NKAIN3: variants seen among roughly 807,000 people sequenced by gnomAD.
NKAIN3 encodes the protein sodium/potassium-transporting ATPase subunit beta-1-interacting protein 3.
NKAIN3 carries 25 observed loss-of-function variants against 30.2 expected under a neutral mutation model. The ratio of observed to expected loss-of-function variants is 0.83; its 90% CI spans 0.60 to 1.16. NKAIN3 has a LOEUF of 1.16. NKAIN3 is among the 50% of genes most tolerant of loss of function. The probability of loss-of-function intolerance (pLI) is 0.00; values close to 1 mark genes in which losing one functional copy is unlikely to be tolerated. For missense variants in NKAIN3, 225 were observed against 254.1 expected (o/e 0.89, Z 0.78); for synonymous variants, 91 against 89.6 (o/e 1.02, Z -0.09).
At chr8:62,459,519 T>G (rs1805925748) in intron 1 of NKAIN3, among the ~76,000 whole-genome samples, 2 of 152,198 alleles carry the variant, frequency 1.3e-5, no homozygotes, top group African/African-American at 2.4e-5. Context: ...CTTGCTTTTA[T>G]GCAGTTTACA....
At chr8:62,328,072 T>C (rs557565711) in intron 1 of NKAIN3, among the ~76,000 whole-genome samples, 1 of 152,250 alleles carries the variant, frequency 6.6e-6, no homozygotes, top group South Asian at 2.1e-4. Flanking sequence ...TACTGATCCA[T>C]ATATTATGCC....
intron 3 of NKAIN3, among the ~76,000 whole-genome samples, chr8:62,741,374 G>A (rs1485323320): frequency 8.0e-6 from 1 of 125,156 alleles, no homozygotes; most frequent in African/African-American, 3.7e-5. Context: ...AAGGAAGGAA[G>A]GAAGGAAGGA....
intron 4 of NKAIN3, among the ~76,000 whole-genome samples, chr8:62,754,150 TTC>T (rs1816374698): frequency 6.6e-6 from 1 of 152,164 alleles, no homozygotes; most frequent in Non-Finnish European, 1.5e-5. Context: ...ATAGTTGCTT[TTC>T]TTAAATTATC....
intron 5 of NKAIN3, among the ~76,000 whole-genome samples, chr8:62,925,345 G>A (rs1486512381): frequency 1.3e-5 from 2 of 152,016 alleles, no homozygotes; most frequent in African/African-American, 4.8e-5. Context: ...CACTCCCTAA[G>A]AAAATTTAAA....
chr8:62,503,588 C>A (rs753131542), intron 1 of NKAIN3, among the ~76,000 whole-genome samples: 18 of 152,048 alleles, frequency 1.2e-4, no homozygotes, highest in Admixed American at 2.0e-4. Context: ...CTTATCTCAA[C>A]CGCATAGGAC....
intron 4 of NKAIN3, among the ~76,000 whole-genome samples, chr8:62,760,050 G>A (rs1318129183): frequency 1.3e-5 from 2 of 152,052 alleles, no homozygotes; most frequent in African/African-American, 2.4e-5. Flanking sequence ...GGCCATCAGA[G>A]AAATGCAAAT....
chr8:62,466,070 A>G (rs942172779), intron 1 of NKAIN3, among the ~76,000 whole-genome samples: 2 of 152,128 alleles, frequency 1.3e-5, no homozygotes, highest in African/African-American at 4.8e-5. Context: ...CACGATAGCA[A>G]GGTAATTTCC....
chr8:62,281,628 A>C (rs1257144020), intron 1 of NKAIN3, among the ~76,000 whole-genome samples: 1 of 152,106 alleles, frequency 6.6e-6, no homozygotes, highest in African/African-American at 2.4e-5. Context: ...TCATTTCGTC[A>C]TGTACCCAGT....
chr8:62,287,679 T>C (rs1460464919), intron 1 of NKAIN3, among the ~76,000 whole-genome samples: 1 of 152,174 alleles, frequency 6.6e-6, no homozygotes, highest in Non-Finnish European at 1.5e-5. Flanking sequence ...GGAGTTTTTT[T>C]ATGTTCATTT....
At chr8:62,534,861 G>GTTT (rs56262159) in intron 1 of NKAIN3, among the ~76,000 whole-genome samples, 3 of 148,468 alleles carry the variant, frequency 2.0e-5, no homozygotes, top group Non-Finnish European at 4.5e-5. Context: ...GCATTTATTG[G>GTTT]TTTTTTTTTT....
chr8:62,663,569 G>A (rs1813007625), intron 3 of NKAIN3, among the ~76,000 whole-genome samples: 1 of 152,156 alleles, frequency 6.6e-6, no homozygotes. Flanking sequence ...TACTACATCT[G>A]AATACCCACT....
intron 3 of NKAIN3, among the ~76,000 whole-genome samples, chr8:62,695,825 G>A (rs1225677416): frequency 6.6e-6 from 1 of 152,172 alleles, no homozygotes; most frequent in Non-Finnish European, 1.5e-5. Flanking sequence ...ACTGAGGGTA[G>A]TCATGGTCAA....
chr8:62,725,536 A>G (rs1394132552), intron 3 of NKAIN3, among the ~76,000 whole-genome samples: 4 of 151,976 alleles, frequency 2.6e-5, no homozygotes, highest in Non-Finnish European at 5.9e-5. Context: ...AGCCATTTTG[A>G]TCTGATTTTT....
intron 1 of NKAIN3, among the ~76,000 whole-genome samples, chr8:62,290,158 T>A (rs771768215): frequency 5.3e-5 from 8 of 152,176 alleles, no homozygotes; most frequent in Non-Finnish European, 1.0e-4. Flanking sequence ...ACGATGGGGT[T>A]TTCTAAATAT....
At chr8:62,749,150 A>C (rs912745778) in intron 4 of NKAIN3, among the ~76,000 whole-genome samples, 3 of 152,204 alleles carry the variant, frequency 2.0e-5, no homozygotes, top group Non-Finnish European at 4.4e-5. Context: ...AAATTATCGT[A>C]GCAAATTGCT....
Position 62,454,031 on chromosome 8 carries a change from G to A in NKAIN3, c.55-125508G>A, listed in dbSNP as rs1172743354. Reference sequence around the variant, plus strand: ...TTGATTATAAACATTTAGAAATTAAGACTTCATAGATTATCTAATCTCTAC... The same window carrying A: ...TTGATTATAAACATTTAGAAATTAAAACTTCATAGATTATCTAATCTCTAC... On this transcript the variant is annotated intron_variant, in intron 1 of 6. Coordinates refer to ENST00000623646, the MANE Select transcript of NKAIN3 (RefSeq NM_001304533.3). 4.6e-5 allele frequency among the ~76,000 whole-genome samples: 7 copies of A among 151,802 alleles called. No individual in the cohort carries two copies. In the East Asian group the frequency reaches 1.4e-3, roughly 29 times the overall value.
intron 1 of NKAIN3, among the ~76,000 whole-genome samples, chr8:62,450,898 G>C (rs1286517838): frequency 6.6e-6 from 1 of 152,166 alleles, no homozygotes; most frequent in East Asian, 1.9e-4. Flanking sequence ...TTGTGAAAGA[G>C]GAAGGTAAGA....
At chr8:62,314,906 T>C (rs1457513120) in intron 1 of NKAIN3, among the ~76,000 whole-genome samples, 3 of 152,156 alleles carry the variant, frequency 2.0e-5, no homozygotes, top group Non-Finnish European at 4.4e-5. Context: ...GAAAAACTGA[T>C]TCAGGAGTTT....
intron 4 of NKAIN3, among the ~76,000 whole-genome samples, chr8:62,871,924 T>A (rs571595205): frequency 2.6e-5 from 4 of 152,214 alleles, no homozygotes; most frequent in Non-Finnish European, 5.9e-5. Flanking sequence ...GGAATCCACA[T>A]AGGAATTTGA....
Sources: allele counts gnomAD v4.1 joint callset (sites outside exome capture counted in the v4.1 genomes callset), GRCh38; gene constraint gnomAD v4.1.1; transcripts MANE v1.5; gene names NCBI Gene and HGNC (gene_info 2026-07-23, HGNC 2026-07-21).